PUDP: variants seen among roughly 807,000 people sequenced by gnomAD.
PUDP encodes pseudouridine-5'-phosphatase.
In PUDP, 8 loss-of-function variants were observed where a neutral mutation model predicts 9.4. The ratio of observed to expected loss-of-function variants is 0.85; its 90% CI spans 0.50 to 1.53. The LOEUF (loss-of-function observed/expected upper bound fraction) is 1.53. Ranked by LOEUF, PUDP falls within the 40% of genes most tolerant of loss-of-function variation. The pLI is 0.00. For synonymous variants in PUDP, 99 were observed against 80.7 expected, an observed-to-expected ratio of 1.23 and a Z score of -1.22; for missense variants, 188 against 189.7, an observed-to-expected ratio of 0.99 and a Z score of 0.05.
At chrX:6,992,433 C>A (rs867473556) in intron 1 of PUDP, among the ~76,000 whole-genome samples, 2 of 104,751 alleles carry the variant, frequency 1.9e-5, no homozygotes, top group African/African-American at 6.9e-5. Flanking sequence ...CCACCGTGCC[C>A]GGCTAATTTT....
chrX:6,924,009 C>T (rs1928063270), intron 3 of PUDP, among the ~76,000 whole-genome samples: 1 of 110,981 alleles, frequency 9.0e-6, no homozygotes, highest in South Asian at 3.9e-4. Flanking sequence ...GAGATGTTAT[C>T]CTGATAACAT....
chrX:7,075,505 AAAACAAAC>A (rs60328433), intron 3 of PUDP, among the ~76,000 whole-genome samples: 9 of 107,799 alleles, frequency 8.3e-5, no homozygotes, highest in African/African-American at 2.0e-4. Context: ...ACTCCATCTC[AAAACAAAC>A]AAACAAACAA....
At chrX:6,863,193 G>A (rs1197305400) in intron 3 of PUDP, among the ~76,000 whole-genome samples, 10 of 111,813 alleles carry the variant, frequency 8.9e-5, no homozygotes, top group African/African-American at 2.9e-4. Flanking sequence ...AGGACTACAG[G>A]CATGTGCAAC....
intron 3 of PUDP, among the ~76,000 whole-genome samples, chrX:6,898,501 T>A (rs1927625119): frequency 8.9e-6 from 1 of 112,251 alleles, no homozygotes; most frequent in Non-Finnish European, 1.9e-5. Context: ...TTCATCCTTC[T>A]GCTTATCCAA....
intron 3 of PUDP, among the ~76,000 whole-genome samples, chrX:6,739,826 GA>G (rs767791525): frequency 1.8e-5 from 2 of 111,926 alleles, no homozygotes; most frequent in African/African-American, 6.5e-5. Flanking sequence ...TTCCAAGAGG[GA>G]TGGAACCTGA....
chrX:6,930,042 A>C lies in PUDP; in HGVS notation c.*247+47091T>G, dbSNP rs1602677116. Among the ~76,000 whole-genome samples the C allele has an allele frequency of 2.7e-5, 3 of 111,762 alleles. No individual in the cohort carries two copies. In the South Asian group the frequency reaches 1.1e-3, roughly 43 times the overall value. On this transcript the variant is annotated intron_variant and NMD_transcript_variant, in intron 3 of 3. Coordinates refer to the PUDP transcript ENST00000655425. ...CCAAGAGTATAGAGGAGGTGGTGGA[A>C]GCAGCACAGGTGCAGGTGGTTGAAA...
chrX:7,070,143 G>C (rs182150650), intron 3 of PUDP, among the ~76,000 whole-genome samples: 11 of 112,094 alleles, frequency 9.8e-5, no homozygotes, highest in African/African-American at 3.6e-4. Context: ...AGTGAAATTT[G>C]GTTTAAGCAA....
intron 3 of PUDP, among the ~76,000 whole-genome samples, chrX:6,810,686 A>AT (rs1299122667): frequency 8.9e-6 from 1 of 111,952 alleles, no homozygotes; most frequent in Non-Finnish European, 1.9e-5. Context: ...TTAGCTCCTG[A>AT]TTGAACTGAG....
At chrX:7,008,193 T>A (rs1436954695) in intron 1 of PUDP, among the ~76,000 whole-genome samples, 1 of 110,729 alleles carries the variant, frequency 9.0e-6, no homozygotes, top group Non-Finnish European at 1.9e-5. Flanking sequence ...CTCAATCTCC[T>A]GACCTCGTGA....
chrX:7,109,496 A>C (rs1010103662), intron 1 of PUDP, among the ~76,000 whole-genome samples: 6 of 112,159 alleles, frequency 5.3e-5, no homozygotes, highest in African/African-American at 1.6e-4. Context: ...AAGGCAGGAA[A>C]ACAGCTGTAT....
intron 3 of PUDP, among the ~76,000 whole-genome samples, chrX:6,804,637 C>T (rs1295576223): frequency 1.8e-5 from 2 of 111,322 alleles, no homozygotes; most frequent in Non-Finnish European, 3.8e-5. Flanking sequence ...GATGTGGAGT[C>T]TGTGCAGGTC....
intron 1 of PUDP, among the ~76,000 whole-genome samples, chrX:7,011,695 T>C (rs146826549): frequency 0.039 from 4,425 of 112,412 alleles, 91 homozygotes; most frequent in Non-Finnish European, 0.061. Flanking sequence ...GTAGCATTTA[T>C]ACATTGCTCT....
Position 7,105,619 on chromosome X carries a change from C to A in PUDP, c.280+1G>T. 8.4e-7 allele frequency: 1 copy of A among 1,196,813 alleles called. No homozygotes were observed. Among genetic ancestry groups the A allele is most frequent in the Non-Finnish European group, 1.1e-6 (1 of 887,358 alleles). ...CCCTGCAAACAGCGAGGCAACCGCACCTGGCATGAGCGCAGCCGTGGGGAA... is the reference window on the plus strand; with the variant it reads ...CCCTGCAAACAGCGAGGCAACCGCAACTGGCATGAGCGCAGCCGTGGGGAA... On this transcript the variant is annotated splice_donor_variant, in intron 2 of 3. Transcript: ENST00000381077. LOFTEE classifies it high-confidence loss of function.
chrX:7,001,340 A>G (rs1320039817), intron 1 of PUDP, among the ~76,000 whole-genome samples: 1 of 111,506 alleles, frequency 9.0e-6, no homozygotes, highest in African/African-American at 3.2e-5. Flanking sequence ...AGGAAGACAC[A>G]ACATTTTCAA....
intron 3 of PUDP, among the ~76,000 whole-genome samples, chrX:6,799,206 A>G (rs932985511): frequency 8.9e-6 from 1 of 112,578 alleles, no homozygotes; most frequent in African/African-American, 3.2e-5. Flanking sequence ...ATGATGTAGT[A>G]GAATTTTTTC....
chrX:7,069,130 G>A (rs773032456), intron 3 of PUDP, among the ~76,000 whole-genome samples: 2 of 111,988 alleles, frequency 1.8e-5, no homozygotes, highest in African/African-American at 6.5e-5. Flanking sequence ...GAAACAGTGG[G>A]AGCAGTGGAT....
At chrX:6,897,050 A>G (rs1927602801) in intron 3 of PUDP, among the ~76,000 whole-genome samples, 2 of 111,302 alleles carry the variant, frequency 1.8e-5, no homozygotes, top group African/African-American at 6.6e-5. Context: ...GTTGTTGGCC[A>G]TGTTCATAAG....
chrX:6,931,124 G>A (rs1219492092), intron 3 of PUDP, among the ~76,000 whole-genome samples: 2 of 111,264 alleles, frequency 1.8e-5, no homozygotes, highest in Non-Finnish European at 3.8e-5. Flanking sequence ...GAAAGGTTCT[G>A]GTTCCATTCC....
chrX:6,904,307 T>C (rs146523503), intron 3 of PUDP, among the ~76,000 whole-genome samples: 220 of 109,456 alleles, frequency 2.0e-3, no homozygotes, highest in African/African-American at 6.6e-3. Flanking sequence ...AGGAAGCGAG[T>C]TGTCAGTGTC....
Sources: gnomAD v4.1 joint callset for allele counts (sites outside exome capture counted in the v4.1 genomes callset) on GRCh38, gnomAD v4.1.1 for gene constraint, MANE v1.5 for transcripts, NCBI Gene and HGNC (gene_info 2026-07-23, HGNC 2026-07-21) for gene names.